The following POC5 variants were observed in gnomAD, a reference collection of about 807,000 sequenced individuals.
POC5 encodes POC5 centriolar protein.
POC5 carries 48 observed loss-of-function variants against 62.9 expected under a neutral mutation model. The observed-to-expected ratio is 0.76, with a 90% CI of 0.61 to 0.97. POC5 has a LOEUF of 0.97. POC5 is among the 50% of genes least tolerant of loss of function. The probability of loss-of-function intolerance (pLI) is 0.00; values close to 1 mark genes in which losing one functional copy is unlikely to be tolerated. For missense variants in POC5, 696 were observed against 679.5 expected (o/e 1.02, Z -0.27); for synonymous variants, 236 against 228.2 (o/e 1.03, Z -0.31).
chr5:75,704,925 C>G (rs185095860), intron 4 of POC5, among the ~76,000 whole-genome samples: 1 of 152,292 alleles, frequency 6.6e-6, no homozygotes, highest in East Asian at 1.9e-4. Context: ...TAAAGCCAGG[C>G]ATGGTGGCTC....
Position 75,712,961 on chromosome 5 carries a change from TA to T in POC5, c.-14-11del, listed in dbSNP as rs781394516. On this transcript the variant is annotated splice_polypyrimidine_tract_variant and intron_variant, in intron 1 of 11. Coordinates refer to ENST00000428202, the MANE Select transcript of POC5 (RefSeq NM_001099271.2). ...ATTCTGCACAAATGCTCTAAAACAG[TA>T]GAAGCTAACTTTAGCTTTTTTCCTT... 2 of 1,575,546 alleles carry T rather than the reference TA, an allele frequency of 1.3e-6. No individual in the cohort carries two copies. Among genetic ancestry groups the T allele is most frequent in the Non-Finnish European group, 1.7e-6 (2 of 1,155,838 alleles).
In POC5 at chr5:75,712,907, G is replaced by A. The variant is rs1313027887; in HGVS notation, c.31C>T (p.Pro11Ser). 1.9e-6 allele frequency: 3 copies of A among 1,612,674 alleles called. No homozygotes were observed. Residue 11 changes from proline (P) to serine (S), a missense_variant, in exon 2 of 12, where the codon CCA (proline) becomes TCA (serine). By Grantham distance (74) the Pro-to-Ser change is moderately conservative. Coordinates refer to ENST00000428202, the MANE Select transcript of POC5 (RefSeq NM_001099271.2). Reference sequence around the variant, plus strand: ...CGACTGGAGTCATTTTGCACAACTGGAAGTGAGTATTTCTCCTCATCTGAT... The same window carrying A: ...CGACTGGAGTCATTTTGCACAACTGAAAGTGAGTATTTCTCCTCATCTGAT... Reference protein sequence around the residue: MSSDEEKYSLPVVQNDSSRGS... With the variant: MSSDEEKYSLSVVQNDSSRGS...
intron 1 of POC5, among the ~76,000 whole-genome samples, chr5:75,714,177 T>C (rs6864091): frequency 0.43 from 64,806 of 151,882 alleles, 14,219 homozygotes; most frequent in South Asian, 0.56. Flanking sequence ...GTCAGGAGTT[T>C]GAGACCAGCC....
chr5:75,675,270 A>T (rs1385761500), intron 11 of POC5, among the ~76,000 whole-genome samples: 2 of 152,222 alleles, frequency 1.3e-5, no homozygotes, highest in Non-Finnish European at 2.9e-5. Flanking sequence ...AAACATGAAC[A>T]ATATGTATCA....
chr5:75,676,644 G>A (rs1775667959), intron 11 of POC5, among the ~76,000 whole-genome samples: 1 of 152,110 alleles, frequency 6.6e-6, no homozygotes, highest in African/African-American at 2.4e-5. Context: ...TTTATAGAGG[G>A]CATTCTCTTT....
intron 5 of POC5, among the ~76,000 whole-genome samples, chr5:75,697,413 A>C (rs1464301710): frequency 6.6e-6 from 1 of 152,174 alleles, no homozygotes; most frequent in Non-Finnish European, 1.5e-5. Context: ...AACATTCTTA[A>C]AGAAAAGAAT....
At chr5:75,696,087 T>C in intron 5 of POC5, 1 of 155,248 alleles carries the variant, frequency 6.4e-6, no homozygotes, top group Non-Finnish European at 1.4e-5. Context: ...CACTGATTAC[T>C]AGCACAGTAG....
At chr5:75,693,643 A>G (rs1394172272) in intron 6 of POC5, among the ~76,000 whole-genome samples, 2 of 152,228 alleles carry the variant, frequency 1.3e-5, no homozygotes, top group Non-Finnish European at 2.9e-5. Flanking sequence ...ATTCTATAAA[A>G]TGTTCAATTT....
intron 4 of POC5, 117 bp from the exon 5 acceptor site, chr5:75,702,927 A>T: frequency 1.3e-6 from 1 of 748,206 alleles, no homozygotes; most frequent in Admixed American, 2.9e-5. Context: ...GAAAAAATGC[A>T]GAGAAACTAC....
intron 5 of POC5, among the ~76,000 whole-genome samples, chr5:75,698,976 G>C (rs1466552752): frequency 6.6e-6 from 1 of 152,008 alleles, no homozygotes. Context: ...AGAAGAAATG[G>C]ATAAATTCCT....
intron 5 of POC5, among the ~76,000 whole-genome samples, chr5:75,697,211 C>T (rs2082180755): frequency 6.6e-6 from 1 of 152,090 alleles, no homozygotes. Flanking sequence ...GAGAACGCCA[C>T]AAAGATACTC....
chr5:75,712,420 T>G (rs1271767657), intron 2 of POC5: 7 of 1,612,898 alleles, frequency 4.3e-6, no homozygotes, highest in Non-Finnish European at 5.9e-6. Context: ...GGCAGCAGAT[T>G]GTACTGAATG....
chr5:75,694,209 G>A (rs1776461919), intron 6 of POC5, among the ~76,000 whole-genome samples: 1 of 152,038 alleles, frequency 6.6e-6, no homozygotes, highest in Non-Finnish European at 1.5e-5. Context: ...AAAAGAATGT[G>A]AGATCCTTAA....
intron 1 of POC5, among the ~76,000 whole-genome samples, chr5:75,713,744 C>T (rs1022568523): frequency 2.0e-5 from 3 of 152,074 alleles, no homozygotes; most frequent in East Asian, 1.9e-4. Context: ...GAGAAGATGA[C>T]CCAGGTGTTG....
At chr5:75,692,847 T>C (rs1470128715) in intron 6 of POC5, among the ~76,000 whole-genome samples, 1 of 152,044 alleles carries the variant, frequency 6.6e-6, no homozygotes, top group Non-Finnish European at 1.5e-5. Flanking sequence ...CTTTATTCAC[T>C]AGATTTGAGG....
In POC5 at chr5:75,685,568, T is replaced by C. The variant is rs1776070800; in HGVS notation, c.1130-84A>G. On this transcript the variant is annotated intron_variant, in intron 9 of 11. Transcript: ENST00000428202. ...CCAAACAATGAAAACACATACTGGCTAAAGTTTGGTCCTAACAAAAATTTA... is the reference window on the plus strand; with the variant it reads ...CCAAACAATGAAAACACATACTGGCCAAAGTTTGGTCCTAACAAAAATTTA... The C allele has an allele frequency of 9.2e-6, 13 of 1,416,052 alleles. No homozygotes were observed. In the South Asian group the frequency reaches 1.5e-4, roughly 16 times the overall value. The allele number at this position is 1,416,052 out of a possible 1,614,324, so 87.7% of individuals were successfully genotyped here.
At chr5:75,689,431 T>C in intron 8 of POC5, 1 of 985,308 alleles carries the variant, frequency 1.0e-6, no homozygotes, top group Non-Finnish European at 1.2e-6. Context: ...TGATGTATTT[T>C]CATTTCACAA....
Position 75,712,249 on chromosome 5 carries a change from G to T in POC5, c.84+605C>A. On this transcript the variant is annotated intron_variant, in intron 2 of 11. Transcript: ENST00000428202. ...AACTGTAAAATTTAAGATATACCATGTCATTATTCTCATATTTAAAATCTA... is the reference window on the plus strand; with the variant it reads ...AACTGTAAAATTTAAGATATACCATTTCATTATTCTCATATTTAAAATCTA... 3 of 1,188,916 alleles carry T rather than the reference G, an allele frequency of 2.5e-6. No individual in the cohort carries two copies. In the South Asian group the frequency reaches 4.0e-5, roughly 16 times the overall value. The allele number at this position is 1,188,916 out of a possible 1,614,324, so 73.6% of individuals were successfully genotyped here.
At chr5:75,710,435 T>G (rs1462474752) in intron 2 of POC5, among the ~76,000 whole-genome samples, 2 of 152,064 alleles carry the variant, frequency 1.3e-5, no homozygotes, top group Non-Finnish European at 2.9e-5. Context: ...AGAAAGTAAT[T>G]AAGGTTAAAT....
Sources: gnomAD v4.1 joint callset for allele counts (sites outside exome capture counted in the v4.1 genomes callset) on GRCh38, gnomAD v4.1.1 for gene constraint, MANE v1.5 for transcripts, NCBI Gene and HGNC (gene_info 2026-07-23, HGNC 2026-07-21) for gene names.